SLC2A9: variants seen among roughly 807,000 people sequenced by gnomAD.
The protein encoded by SLC2A9 is solute carrier family 2, facilitated glucose transporter member 9.
Under a neutral mutation model 50.6 loss-of-function variants are expected in SLC2A9, and 39 were observed. The ratio of observed to expected loss-of-function variants is 0.77; its 90% confidence interval spans 0.60 to 1.01. The LOEUF (loss-of-function observed/expected upper bound fraction) is 1.01, where lower values mean the gene tolerates loss of function less well. SLC2A9 is among the 50% of genes least tolerant of loss of function. The pLI is 0.00. For synonymous variants in SLC2A9, 324 were observed against 276.9 expected (o/e 1.17, Z -1.69); for missense variants, 686 against 677.6 (o/e 1.01, Z -0.14).
intron 5 of SLC2A9, among the ~76,000 whole-genome samples, chr4:9,945,003 GT>G (rs1748855574): frequency 6.6e-6 from 1 of 152,200 alleles, no homozygotes; most frequent in Non-Finnish European, 1.5e-5. Flanking sequence ...CATTCCTGCC[GT>G]GGGGCCACAA....
intron 8 of SLC2A9, among the ~76,000 whole-genome samples, chr4:9,906,725 C>CA (rs1379387645): frequency 2.6e-5 from 4 of 152,118 alleles, no homozygotes; most frequent in Non-Finnish European, 4.4e-5. Context: ...TTACAAAAAA[C>CA]AAAAAACATC....
At position 10,019,147 on chromosome 4, in the gene SLC2A9, C is replaced by T. The variant is rs1763174944; in HGVS notation, c.151-74G>A. 3.2e-6 allele frequency: 4 copies of T among 1,262,056 alleles called. No homozygotes were observed. In the Admixed American group the frequency reaches 8.0e-5, roughly 25 times the overall value. 78.2% of individuals were successfully genotyped at this position (1,262,056 alleles called of 1,614,324 possible). A position where few individuals can be genotyped will look rare whatever the true frequency, so the allele number is the denominator to read the frequency against. ...GGGCCGAGGGAAGACCTGGAACGTT[C>T]CCTCAGCTGGGGGAGGCCTTCCGGA... On this transcript the variant is annotated intron_variant, in intron 1 of 11. Coordinates refer to ENST00000264784, the MANE Select transcript of SLC2A9 (RefSeq NM_020041.3).
intron 2 of SLC2A9, among the ~76,000 whole-genome samples, chr4:10,000,099 TCTG>T (rs1759501871): frequency 6.7e-6 from 1 of 150,338 alleles, no homozygotes; most frequent in South Asian, 2.1e-4. Flanking sequence ...TTATCTTCTT[TCTG>T]TTTTCTCTTT....
At chr4:9,882,791 C>G (rs535287635) in intron 10 of SLC2A9, among the ~76,000 whole-genome samples, 1 of 151,476 alleles carries the variant, frequency 6.6e-6, no homozygotes, top group South Asian at 2.1e-4. Context: ...TCCTCTAGGA[C>G]AGACAGACAG....
chr4:9,908,165 C>T (rs935275677), intron 8 of SLC2A9, 70 bp downstream of exon 8: 28 of 1,056,310 alleles, frequency 2.7e-5, no homozygotes, highest in Admixed American at 1.0e-4. Context: ...CTTAAAGGAC[C>T]TTATGAACAT....
chr4:9,794,886 C>T (rs112867277), downstream of SLC2A9, among the ~76,000 whole-genome samples: 263 of 152,082 alleles, frequency 1.7e-3, no homozygotes, highest in African/African-American at 6.0e-3. Flanking sequence ...GTGTATGAGC[C>T]GAGGACCAGA....
Position 9,971,091 on chromosome 4 carries a change from G to A in SLC2A9, c.681+9501C>T, listed in dbSNP as rs539368304. On this transcript the variant is annotated intron_variant, in intron 5 of 11. Transcript: ENST00000264784. Reference sequence around the variant, plus strand: ...CAGAAATTGTGCACTCAGGGAGCTCGGATTTTAAGACAGTAGCTTGCCGAT... The same window carrying A: ...CAGAAATTGTGCACTCAGGGAGCTCAGATTTTAAGACAGTAGCTTGCCGAT... 1.5e-4 allele frequency among the ~76,000 whole-genome samples: 23 copies of A among 152,236 alleles called. No individual in the cohort carries two copies. The East Asian group carries it at 2.3e-3, about 15-fold the overall frequency.
chr4:9,863,693 T>C (rs965342972), intron 10 of SLC2A9, among the ~76,000 whole-genome samples: 2 of 141,884 alleles, frequency 1.4e-5, no homozygotes, highest in African/African-American at 2.7e-5. Flanking sequence ...AGAGAATGCA[T>C]GTCCGCTGAC....
intron 3 of SLC2A9, among the ~76,000 whole-genome samples, chr4:9,799,700 C>CGGCGA (rs139684538): frequency 3.2e-5 from 3 of 93,628 alleles, no homozygotes; most frequent in African/African-American, 8.0e-5. Flanking sequence ...GTACCCCCCC[C>CGGCGA]CCACCCAACT....
At chr4:9,831,127 A>G (rs929538051) in intron 11 of SLC2A9, among the ~76,000 whole-genome samples, 4 of 151,986 alleles carry the variant, frequency 2.6e-5, no homozygotes, top group African/African-American at 9.7e-5. Context: ...GGGCTGGAAT[A>G]CATTTGCCAC....
At chr4:9,949,187 T>C (rs1232089495) in intron 5 of SLC2A9, among the ~76,000 whole-genome samples, 2 of 152,150 alleles carry the variant, frequency 1.3e-5, no homozygotes, top group East Asian at 1.9e-4. Context: ...TGTTTCCCTA[T>C]AGACGGAGCT....
chr4:9,893,914 C>T (rs1251498948), intron 8 of SLC2A9, among the ~76,000 whole-genome samples: 2 of 152,148 alleles, frequency 1.3e-5, no homozygotes, highest in Non-Finnish European at 2.9e-5. Flanking sequence ...TTAATCTTGG[C>T]GTAGCACTCT....
Position 9,826,339 on chromosome 4 carries a change from C to A in SLC2A9, c.*58G>T. ...TTTTAAGTTTCCTGAAAAGTGAGAT[C>A]ATCCATGTAGACAATCCTGTTTTTG... is the stretch of plus-strand genomic sequence containing the variant. On this transcript the variant is annotated 3_prime_UTR_variant, in exon 12 of 12. Coordinates refer to ENST00000264784, the MANE Select transcript of SLC2A9 (RefSeq NM_020041.3). 6.4e-7 allele frequency: 1 copy of A among 1,560,016 alleles called. No homozygotes were observed. The highest frequency in any genetic ancestry group is 8.8e-7 in the Non-Finnish European group (1 of 1,131,034).
intron 6 of SLC2A9, among the ~76,000 whole-genome samples, chr4:9,931,499 A>G (rs1323070950): frequency 6.6e-6 from 1 of 152,210 alleles, no homozygotes; most frequent in East Asian, 1.9e-4. Flanking sequence ...TACCTACTGT[A>G]TGCCAGGCTT....
At chr4:9,888,017 AC>A (rs1478782188) in intron 9 of SLC2A9, among the ~76,000 whole-genome samples, 2 of 150,634 alleles carry the variant, frequency 1.3e-5, no homozygotes, top group Admixed American at 6.7e-5. Context: ...TGACACAAGA[AC>A]CGAAAACCAA....
intron 2 of SLC2A9, among the ~76,000 whole-genome samples, chr4:10,003,841 A>G (rs1053628954): frequency 6.6e-6 from 1 of 152,236 alleles, no homozygotes; most frequent in African/African-American, 2.4e-5. Context: ...CAGGTAACCC[A>G]CACATCATAG....
chr4:9,893,949 G>A (rs561830510), intron 8 of SLC2A9, among the ~76,000 whole-genome samples: 8 of 152,298 alleles, frequency 5.3e-5, no homozygotes, highest in African/African-American at 1.9e-4. Flanking sequence ...CAGGATCAGA[G>A]GCCAAGAGTG....
At chr4:9,847,141 G>A (rs529269680) in intron 10 of SLC2A9, among the ~76,000 whole-genome samples, 64 of 152,302 alleles carry the variant, frequency 4.2e-4, no homozygotes, top group African/African-American at 1.3e-3. Context: ...GTATTAGTCC[G>A]TTTTCACACT....
intron 11 of SLC2A9, among the ~76,000 whole-genome samples, chr4:9,828,299 T>G (rs1725472204): frequency 6.6e-6 from 1 of 152,244 alleles, no homozygotes; most frequent in South Asian, 2.1e-4. Flanking sequence ...GCCACCATCA[T>G]GTTTTGCTTG....
Sources: gnomAD v4.1 joint callset for allele counts (sites outside exome capture counted in the v4.1 genomes callset) on GRCh38, gnomAD v4.1.1 for gene constraint, MANE v1.5 for transcripts, NCBI Gene and HGNC (gene_info 2026-07-23, HGNC 2026-07-21) for gene names.